PUM1: variants seen among roughly 807,000 people sequenced by gnomAD.
PUM1 encodes pumilio homolog 1.
Under a neutral mutation model 131.8 loss-of-function variants are expected in PUM1, and 13 were observed. That is an observed-to-expected ratio of 0.10 (90% confidence interval 0.06 to 0.16). PUM1 has a LOEUF of 0.16. Ranked by LOEUF, PUM1 falls within the 10% of genes least tolerant of loss-of-function variation. The pLI, the probability that PUM1 is intolerant of heterozygous loss-of-function variation, is 1.00. For synonymous variants in PUM1, 509 were observed against 556.5 expected (o/e 0.91, Z 1.20); for missense variants, 961 against 1,512.4 (o/e 0.64, Z 6.05).
At position 31,056,609 on chromosome 1, in the gene PUM1, C is replaced by CTTTTCTTTTTTTTTT. The variant is rs1644245029; in HGVS notation, c.363+2594_363+2595insAAAAAAAAAAGAAAA. ...CAGCTGAAAACCTTCCTTTTCTTTT[C>CTTTTCTTTTTTTTTT]TTTTTTTTTTTTTTTTTTTTTTTTT... is the stretch of plus-strand genomic sequence containing the variant. On this transcript the variant is annotated intron_variant, in intron 2 of 21. Transcript: ENST00000426105. Among the ~76,000 whole-genome samples the CTTTTCTTTTTTTTTT allele has an allele frequency of 1.1e-4, 5 of 43,710 alleles. 1 individual carries two copies. The highest frequency in any genetic ancestry group is 2.0e-4 in the Non-Finnish European group (5 of 24,874). 28.7% of individuals were successfully genotyped at this position (43,710 alleles called of 152,430 possible).
At chr1:30,968,923 T>A (rs891318718) in intron 10 of PUM1, among the ~76,000 whole-genome samples, 5 of 152,144 alleles carry the variant, frequency 3.3e-5, no homozygotes, top group African/African-American at 1.2e-4. Context: ...CCTGTCCTCA[T>A]GGAGCTTTTA....
intron 1 of PUM1, among the ~76,000 whole-genome samples, chr1:31,060,512 G>A (rs947800857): frequency 3.9e-5 from 6 of 152,012 alleles, no homozygotes; most frequent in African/African-American, 1.4e-4. Context: ...GCAGACATAT[G>A]CTAATAACTA....
rs150169072 is a variant in PUM1, at chr1:30,964,768, G to A, written c.2229C>T (p.Pro743=). The part of the protein sequence containing the change: ...NGLSFSSSPG[P]VGMPLPSQGP... ...CCTGACTAGGGAGAGGCATGCCCAC[G>A]GGTCCAGGAGAGGAGGAAAAGCTAA... Residue 743 remains proline, a synonymous_variant, in exon 14 of 22, where the codon CCC becomes CCT. Coordinates refer to ENST00000426105, the MANE Select transcript of PUM1 (RefSeq NM_001020658.2). The A allele has an allele frequency of 3.7e-5, 60 of 1,614,026 alleles. No homozygotes were observed. Among genetic ancestry groups the A allele is most frequent in the African/African-American group, 3.3e-4 (25 of 74,902 alleles).
intron 2 of PUM1, among the ~76,000 whole-genome samples, chr1:31,047,740 C>G (rs1204279283): frequency 6.6e-6 from 1 of 152,074 alleles, no homozygotes; most frequent in African/African-American, 2.4e-5. Flanking sequence ...GTCACGTGTT[C>G]GAGACATCCT....
intron 9 of PUM1, among the ~76,000 whole-genome samples, chr1:30,979,149 G>C (rs1410015418): frequency 1.4e-5 from 2 of 144,404 alleles, no homozygotes; most frequent in Non-Finnish European, 3.0e-5. Context: ...AAAAAAAAAA[G>C]AGGGGAAAAA....
At chr1:31,041,215 A>C (rs1643803698) in intron 2 of PUM1, among the ~76,000 whole-genome samples, 1 of 152,150 alleles carries the variant, frequency 6.6e-6, no homozygotes, top group Non-Finnish European at 1.5e-5. Flanking sequence ...TTCACTGAGC[A>C]CTTATGAAAA....
chr1:30,992,171 G>A (rs1009294776), intron 7 of PUM1, among the ~76,000 whole-genome samples: 1 of 152,186 alleles, frequency 6.6e-6, no homozygotes, highest in African/African-American at 2.4e-5. Context: ...ACCAAAGGAA[G>A]TACATACAGA....
At chr1:30,989,798 T>C (rs549242425) in intron 7 of PUM1, among the ~76,000 whole-genome samples, 4 of 152,234 alleles carry the variant, frequency 2.6e-5, no homozygotes, top group African/African-American at 9.6e-5. Context: ...TCTTACTCTA[T>C]TCATGAAAGA....
At chr1:31,018,070 A>T (rs1642886613) in intron 3 of PUM1, among the ~76,000 whole-genome samples, 1 of 152,208 alleles carries the variant, frequency 6.6e-6, no homozygotes, top group East Asian at 1.9e-4. Flanking sequence ...ATATAATTTT[A>T]CCAGGCGCGG....
Position 30,941,252 on chromosome 1 carries a change from T to A in PUM1, c.3141A>T (p.Val1047=), listed in dbSNP as rs1401367676. ...QLVQDQYGNY[V]IQHVLEHGRP... is the part of the protein sequence containing the mutation. ...GACCGTGCTCCAGTACATGTTGGAT[T>A]ACATAATTTCCATATTGATCCTGTT... The change falls in exon 20 of 22, where the codon GTA becomes GTT. Residue 1047 remains valine, a synonymous_variant. Transcript: ENST00000426105. 2 of 1,611,812 alleles carry A rather than the reference T, an allele frequency of 1.2e-6. No homozygotes were observed. Among genetic ancestry groups the A allele is most frequent in the Middle Eastern group, 1.7e-4 (1 of 6,050 alleles).
chr1:30,972,358 G>A (rs1270261291), intron 10 of PUM1, among the ~76,000 whole-genome samples: 4 of 30 alleles, frequency 0.13, 2 homozygotes, highest in Non-Finnish European at 0.11. Context: ...GGAGGGGAGG[G>A]GAGGGGAGGG....
Position 31,038,984 on chromosome 1 carries a change from A to ATATTTTTTTTTTTTTTTTT in PUM1, c.364-10121_364-10120insAAAAAAAAAAAAAAAAATA. 8.1e-5 allele frequency among the ~76,000 whole-genome samples: 4 copies of ATATTTTTTTTTTTTTTTTT among 49,420 alleles called. No homozygotes were observed. In the African/African-American group the frequency reaches 8.3e-4, roughly 10 times the overall value. The allele number at this position is 49,420 out of a possible 152,430, so 32.4% of individuals were successfully genotyped here. A position where few individuals can be genotyped will look rare whatever the true frequency, so the allele number is the denominator to read the frequency against. On this transcript the variant is annotated intron_variant, in intron 2 of 21. Coordinates refer to ENST00000426105, the MANE Select transcript of PUM1 (RefSeq NM_001020658.2). The stretch of plus-strand genomic sequence containing the variant: ...TATATATATATATATATATATATAT[A>ATATTTTTTTTTTTTTTTTT]TTTTTTTTTTTTTTTTCCTTTTCTC...
chr1:30,974,948 C>CT, intron 9 of PUM1, 146 bp from the exon 10 acceptor site: 1 of 580,928 alleles, frequency 1.7e-6, no homozygotes, highest in Non-Finnish European at 2.9e-6. Context: ...ATCATTAACT[C>CT]TTTTTAAAGA....
Position 31,005,834 on chromosome 1 carries a change from GTTC to G in PUM1, c.720+16_720+18del. 4 of 1,558,060 alleles carry G rather than the reference GTTC, an allele frequency of 2.6e-6. No homozygotes were observed. Among genetic ancestry groups the G allele is most frequent in the Non-Finnish European group, 3.5e-6 (4 of 1,151,292 alleles). ...GAGAGAGAGAGAGAGATAGGAACAA[GTTC>G]CTCAAGCCAACTTACAAATCCTCCT... On this transcript the variant is annotated intron_variant, in intron 5 of 21. Coordinates refer to ENST00000426105, the MANE Select transcript of PUM1 (RefSeq NM_001020658.2).
Position 31,056,981 on chromosome 1 carries a change from CA to C in PUM1, c.363+2222del. Among the ~76,000 whole-genome samples the C allele has an allele frequency of 3.3e-5, 5 of 152,142 alleles. 1 individual carries two copies. Among genetic ancestry groups the C allele is most frequent in the Admixed American group, 3.3e-4 (5 of 15,258 alleles). On this transcript the variant is annotated intron_variant, in intron 2 of 21. Coordinates refer to ENST00000426105, the MANE Select transcript of PUM1 (RefSeq NM_001020658.2). Reference sequence around the variant, plus strand: ...CTAATTTCTGCATTTTTAGTAGAGACAGGGTTTCACCATGTTGGTCAGGCTG... The same window carrying C: ...CTAATTTCTGCATTTTTAGTAGAGACGGGTTTCACCATGTTGGTCAGGCTG...
chr1:30,995,273 G>C (rs1641940016), intron 5 of PUM1, 53 bp from the exon 6 acceptor site: 1 of 1,596,582 alleles, frequency 6.3e-7, no homozygotes, highest in South Asian at 1.1e-5. Flanking sequence ...AATAATAACG[G>C]GCAACCGTTG....
intron 20 of PUM1, 87 bp downstream of exon 20, chr1:30,941,064 C>T: frequency 7.2e-7 from 1 of 1,396,852 alleles, no homozygotes; most frequent in Non-Finnish European, 9.7e-7. Flanking sequence ...ACAACAACAA[C>T]AACAACATTA....
At chr1:31,002,172 T>C (rs544769556) in intron 5 of PUM1, among the ~76,000 whole-genome samples, 27 of 152,348 alleles carry the variant, frequency 1.8e-4, no homozygotes, top group Admixed American at 1.6e-3. Flanking sequence ...TGCATTACAT[T>C]GTACAGAAGT....
chr1:30,976,936 C>CA (rs1641158725), intron 9 of PUM1, among the ~76,000 whole-genome samples: 2 of 151,822 alleles, frequency 1.3e-5, no homozygotes, highest in South Asian at 4.2e-4. Flanking sequence ...AAAAAACACA[C>CA]AAAAAAGACC....
Sources: gnomAD v4.1 joint callset for allele counts (sites outside exome capture counted in the v4.1 genomes callset) on GRCh38, gnomAD v4.1.1 for gene constraint, MANE v1.5 for transcripts, NCBI Gene and HGNC (gene_info 2026-07-23, HGNC 2026-07-21) for gene names.